Variants in NAV3 observed in about 807,000 individuals in gnomAD.
The protein encoded by NAV3 is neuron navigator 3, also known as pore membrane and/or filament interacting like protein 1.
Under a neutral mutation model 244.7 loss-of-function variants are expected in NAV3, and 87 were observed. That is an observed-to-expected ratio of 0.36 (90% CI 0.30 to 0.42). The LOEUF (loss-of-function observed/expected upper bound fraction) is 0.42. Ranked by LOEUF, NAV3 falls within the 20% of genes least tolerant of loss-of-function variation. NAV3 has a pLI of 1.00. For missense variants in NAV3, 2,663 were observed against 2,893.3 expected (o/e 0.92, Z 1.83); for synonymous variants, 1,126 against 1,042.2 (o/e 1.08, Z -1.55).
intron 2 of NAV3, among the ~76,000 whole-genome samples, chr12:77,579,039 A>G (rs1479258124): frequency 6.6e-6 from 1 of 152,210 alleles, no homozygotes; most frequent in African/African-American, 2.4e-5. Context: ...GAAGCTATAT[A>G]TACATGAAAC....
At chr12:78,191,821 T>C (rs1437169568) in intron 34 of NAV3, among the ~76,000 whole-genome samples, 2 of 152,190 alleles carry the variant, frequency 1.3e-5, no homozygotes, top group African/African-American at 4.8e-5. Flanking sequence ...AAAGGCCTCT[T>C]AGTCATCCTC....
chr12:77,593,545 G>A lies in NAV3; in HGVS notation c.72+21279G>A, dbSNP rs181754455. 4.9e-3 allele frequency among the ~76,000 whole-genome samples: 739 copies of A among 150,558 alleles called. 9 individuals carry two copies. Among genetic ancestry groups the A allele is most frequent in the African/African-American group, 0.017 (702 of 41,152 alleles). ...GCTCACTGCAATCTCCACCTCCCGG[G>A]TTCAAGCGATTCTCCTGCCTTGGCC... On this transcript the variant is annotated intron_variant, in intron 2 of 8. Transcript: ENST00000550042.
At chr12:77,797,428 A>G (rs1871461000) in intron 2 of NAV3, among the ~76,000 whole-genome samples, 1 of 151,486 alleles carries the variant, frequency 6.6e-6, no homozygotes, top group African/African-American at 2.4e-5. Flanking sequence ...GTTTGTTATT[A>G]TAGATTTTAT....
At chr12:78,038,669 T>C (rs1039709878) in intron 9 of NAV3, among the ~76,000 whole-genome samples, 1 of 152,228 alleles carries the variant, frequency 6.6e-6, no homozygotes, top group African/African-American at 2.4e-5. Context: ...ATTTCTGTGA[T>C]GAACTGCTTC....
At chr12:77,900,869 T>A (rs897702453) in intron 1 of NAV3, among the ~76,000 whole-genome samples, 6 of 152,210 alleles carry the variant, frequency 3.9e-5, no homozygotes, top group Non-Finnish European at 5.9e-5. Context: ...AGCATTCCCT[T>A]TTCTCTGCAG....
chr12:77,776,298 G>A (rs1870351462), intron 2 of NAV3, among the ~76,000 whole-genome samples: 1 of 152,224 alleles, frequency 6.6e-6, no homozygotes, highest in South Asian at 2.1e-4. Context: ...GACCATATAA[G>A]ATAGATATAT....
rs1231869682 is a variant in NAV3 at position 78,009,588 on chromosome 12, T to A, written c.1907+2143T>A. 2.0e-5 allele frequency among the ~76,000 whole-genome samples: 3 copies of A among 152,256 alleles called. No homozygotes were observed. In the East Asian group the frequency reaches 5.8e-4, roughly 29 times the overall value. ...CCACCACTGATCAGTTGTGTTACTTTGGGTCATATATGTAAAGATTCTGAC... is the reference window on the plus strand; with the variant it reads ...CCACCACTGATCAGTTGTGTTACTTAGGGTCATATATGTAAAGATTCTGAC... On this transcript the variant is annotated intron_variant, in intron 8 of 39. Coordinates refer to ENST00000397909, the MANE Select transcript of NAV3 (RefSeq NM_001024383.2).
At chr12:77,713,309 T>A (rs371077594) in intron 2 of NAV3, among the ~76,000 whole-genome samples, 3 of 152,232 alleles carry the variant, frequency 2.0e-5, no homozygotes, top group African/African-American at 7.2e-5. Context: ...CTTCAGTGGC[T>A]AAAGTATGGT....
intron 1 of NAV3, among the ~76,000 whole-genome samples, chr12:77,924,543 G>T (rs1052995815): frequency 1.3e-5 from 2 of 152,060 alleles, no homozygotes; most frequent in South Asian, 4.2e-4. Context: ...ATCCCCGCTT[G>T]GGTCAACTCT....
At chr12:77,809,905 C>A (rs1238564172) in intron 2 of NAV3, among the ~76,000 whole-genome samples, 1 of 151,986 alleles carries the variant, frequency 6.6e-6, no homozygotes, top group African/African-American at 2.4e-5. Context: ...TCAAATCTAC[C>A]TTTGGTTGGG....
intron 28 of NAV3, 88 bp downstream of exon 28, chr12:78,177,773 C>A: frequency 8.5e-7 from 1 of 1,178,442 alleles, no homozygotes; most frequent in Non-Finnish European, 1.2e-6. Flanking sequence ...AAATCACTCA[C>A]ATGCATTTCA....
intron 2 of NAV3, among the ~76,000 whole-genome samples, chr12:77,612,040 C>T (rs911802332): frequency 2.7e-5 from 4 of 150,284 alleles, no homozygotes; most frequent in South Asian, 2.1e-4. Flanking sequence ...TGTCTAGTTT[C>T]GTTGCTTAAT....
chr12:77,770,081 T>C (rs1869998873), intron 2 of NAV3, among the ~76,000 whole-genome samples: 1 of 152,208 alleles, frequency 6.6e-6, no homozygotes, highest in Non-Finnish European at 1.5e-5. Flanking sequence ...GTATTTGAGA[T>C]ACCAGTAGGC....
At chr12:78,071,188 A>G (rs893400462) in intron 12 of NAV3, among the ~76,000 whole-genome samples, 1 of 152,058 alleles carries the variant, frequency 6.6e-6, no homozygotes, top group East Asian at 1.9e-4. Context: ...AAGTGTTCCT[A>G]TTTCTCCACA....
intron 1 of NAV3, among the ~76,000 whole-genome samples, chr12:77,936,315 C>G (rs138479222): frequency 1.1e-4 from 16 of 152,138 alleles, no homozygotes; most frequent in Non-Finnish European, 2.1e-4. Context: ...CTCTTGTAAA[C>G]GCAATCTCAG....
rs73133949 is a variant in NAV3 at position 77,575,392 on chromosome 12, A to G, written c.72+3126A>G. Among the ~76,000 whole-genome samples the G allele has an allele frequency of 9.0e-3, 1,365 of 152,096 alleles. 15 individuals are homozygous for G. Among genetic ancestry groups the G allele is most frequent in the African/African-American group, 0.024 (993 of 41,500 alleles). On this transcript the variant is annotated intron_variant, in intron 2 of 8. Transcript: ENST00000550042. Reference sequence around the variant, plus strand: ...TGGCTTTTTTTGAGTCTTGTGATTTATTTTTTCAGTAGAACTTTCAGCTGG... The same window carrying G: ...TGGCTTTTTTTGAGTCTTGTGATTTGTTTTTTCAGTAGAACTTTCAGCTGG...
chr12:77,759,686 G>A (rs1869365469), intron 2 of NAV3, among the ~76,000 whole-genome samples: 1 of 152,210 alleles, frequency 6.6e-6, no homozygotes, highest in South Asian at 2.1e-4. Context: ...CCACCATGGT[G>A]TGGGTAGTCA....
chr12:78,162,861 C>CA (rs200929916), intron 23 of NAV3, among the ~76,000 whole-genome samples: 19 of 119,784 alleles, frequency 1.6e-4, no homozygotes, highest in Non-Finnish European at 2.2e-4. Flanking sequence ...GACTCTGTCT[C>CA]AAAAAAAAAT....
Position 78,092,051 on chromosome 12 carries a change from G to A in NAV3, c.2637-24721G>A, listed in dbSNP as rs118059312. Among the ~76,000 whole-genome samples, 107 of 152,072 alleles carry A rather than the reference G, an allele frequency of 7.0e-4. 2 individuals carry two copies. The highest frequency in any genetic ancestry group is 6.4e-3 in the East Asian group (33 of 5,170). On this transcript the variant is annotated intron_variant, in intron 12 of 39. Coordinates refer to ENST00000397909, the MANE Select transcript of NAV3 (RefSeq NM_001024383.2). ...TCATTCACCAAACATCCACACCTAC[G>A]GTATTAGCACTGAGGACACAGTCGT...
Sources: allele counts gnomAD v4.1 joint callset (sites outside exome capture counted in the v4.1 genomes callset), GRCh38; gene constraint gnomAD v4.1.1; transcripts MANE v1.5; gene names NCBI Gene and HGNC (gene_info 2026-07-23, HGNC 2026-07-21).